ISCA2: variants seen among roughly 807,000 people sequenced by gnomAD.
ISCA2 encodes the protein iron-sulfur cluster assembly 2 homolog, mitochondrial.
In ISCA2, 21 loss-of-function variants were observed where a neutral mutation model predicts 19.1. The ratio of observed to expected loss-of-function variants is 1.10; its 90% confidence interval spans 0.78 to 1.59. ISCA2 has a LOEUF of 1.59. Ranked by LOEUF, ISCA2 falls within the 40% of genes most tolerant of loss-of-function variation. The pLI, the probability that ISCA2 is intolerant of heterozygous loss-of-function variation, is 0.00. For synonymous variants in ISCA2, 107 were observed against 83.8 expected, an observed-to-expected ratio of 1.28 and a Z score of -1.51; for missense variants, 181 against 191.7, an observed-to-expected ratio of 0.94 and a Z score of 0.33.
chr14:74,494,476 A>G, intron 3 of ISCA2, 86 bp downstream of exon 3: 1 of 990,330 alleles, frequency 1.0e-6, no homozygotes, highest in Non-Finnish European at 1.6e-6. Flanking sequence ...TTCCAAATTT[A>G]AAGGGTTTAC....
Position 74,496,712 on chromosome 14 carries a change from T to A in ISCA2, c.*1712T>A, listed in dbSNP as rs1313750334. Reference sequence around the variant, plus strand: ...GCACGAGCAGAACAGCTTTTGTTGCTAAATCAATCAAATTACAGTGGTGCA... The same window carrying A: ...GCACGAGCAGAACAGCTTTTGTTGCAAAATCAATCAAATTACAGTGGTGCA... On this transcript the variant is annotated 3_prime_UTR_variant, in exon 4 of 4. Coordinates refer to ENST00000556816, the MANE Select transcript of ISCA2 (RefSeq NM_194279.4). 1 of 152,250 alleles carries A rather than the reference T, an allele frequency of 6.6e-6. No homozygotes were observed. Among genetic ancestry groups the A allele is most frequent in the Non-Finnish European group, 1.5e-5 (1 of 68,042 alleles). 9.4% of individuals were successfully genotyped at this position (152,250 alleles called of 1,614,324 possible).
At position 74,496,417 on chromosome 14, in the gene ISCA2, G is replaced by A. The variant is rs1003052603; in HGVS notation, c.*1417G>A. ...CTTAGAGAAAACAAACCTATCATGC[G>A]GTTAGAGGAGAGAAGGGGACACTCA... On this transcript the variant is annotated 3_prime_UTR_variant, in exon 4 of 4. Coordinates refer to ENST00000556816, the MANE Select transcript of ISCA2 (RefSeq NM_194279.4). The A allele has an allele frequency of 3.3e-5, 5 of 152,140 alleles. No homozygotes were observed. The highest frequency in any genetic ancestry group is 5.9e-5 in the Non-Finnish European group (4 of 68,016). The allele number at this position is 152,140 out of a possible 1,614,324, so 9.4% of individuals were successfully genotyped here. A position where few individuals can be genotyped will look rare whatever the true frequency, so the allele number is the denominator to read the frequency against.
chr14:74,493,917 C>T lies in ISCA2; in HGVS notation c.71+72C>T. ...CTCTAGGACAAATGGGAAACTAAGG[C>T]CTGTGGGGGATGCGAGGGTTTGGTG... is the stretch of plus-strand genomic sequence containing the variant. On this transcript the variant is annotated intron_variant, in intron 1 of 3. Transcript: ENST00000556816. This position sits in a 1 kb window ranked among gnomAD's most constrained non-coding sequence, Gnocchi z 4.1. 4.7e-6 allele frequency: 7 copies of T among 1,492,286 alleles called. No individual in the cohort carries two copies. Among genetic ancestry groups the T allele is most frequent in the African/African-American group, 1.4e-5 (1 of 71,768 alleles). The allele number at this position is 1,492,286 out of a possible 1,614,324, so 92.4% of individuals were successfully genotyped here.
chr14:74,494,135 A>C lies in ISCA2; in HGVS notation c.157A>C (p.Thr53Pro). The stretch of plus-strand genomic sequence containing the variant: ...GGCCGGCGAAGGGCAGATCCGCCTC[A>C]CAGACAGTTGCGTCCAGGTAGGAGG... ...PEAGEGQIRL[T>P]DSCVQRLLEI... The change falls in exon 2 of 4, where the codon ACA (threonine) becomes CCA (proline). Residue 53 changes from threonine to proline, a missense_variant. Thr to Pro is a conservative substitution (Grantham distance 38, BLOSUM62 -1). Transcript: ENST00000556816. 1.3e-6 allele frequency: 2 copies of C among 1,587,964 alleles called. No homozygotes were observed. Among genetic ancestry groups the C allele is most frequent in the Non-Finnish European group, 1.7e-6 (2 of 1,167,872 alleles).
rs987500761 is a variant in ISCA2 at position 74,495,212 on chromosome 14, C to T, written c.*212C>T. The T allele has an allele frequency of 6.0e-6, 3 of 498,390 alleles. No individual in the cohort carries two copies. Among genetic ancestry groups the T allele is most frequent in the Non-Finnish European group, 1.1e-5 (3 of 282,742 alleles). 30.9% of individuals were successfully genotyped at this position (498,390 alleles called of 1,614,324 possible). On this transcript the variant is annotated 3_prime_UTR_variant, in exon 4 of 4. Transcript: ENST00000556816. ...CCTCCACTCAGTGCTAAGGCTGAGC[C>T]TCCAGATGCTGTTACCTCAGATTTA...
rs1035961806 is a variant in ISCA2 at position 74,496,149 on chromosome 14, G to A, written c.*1149G>A. On this transcript the variant is annotated 3_prime_UTR_variant, in exon 4 of 4. Transcript: ENST00000556816. ...AGAAATCTACCACCATCACCACACC[G>A]AATGATTTATTAATACTGATGTTGG... 1.2e-4 allele frequency: 19 copies of A among 152,122 alleles called. No individual in the cohort carries two copies. The highest frequency in any genetic ancestry group is 2.1e-4 in the South Asian group (1 of 4,828). 9.4% of individuals were successfully genotyped at this position (152,122 alleles called of 1,614,324 possible). A position where few individuals can be genotyped will look rare whatever the true frequency, so the allele number is the denominator to read the frequency against.
chr14:74,495,948 T>C lies in ISCA2; in HGVS notation c.*948T>C, dbSNP rs902425495. 5.3e-5 allele frequency: 8 copies of C among 152,266 alleles called. No homozygotes were observed. Among genetic ancestry groups the C allele is most frequent in the Admixed American group, 2.6e-4 (4 of 15,288 alleles). The allele number at this position is 152,266 out of a possible 1,614,324, so 9.4% of individuals were successfully genotyped here. A position where few individuals can be genotyped will look rare whatever the true frequency, so the allele number is the denominator to read the frequency against. On this transcript the variant is annotated 3_prime_UTR_variant, in exon 4 of 4. Coordinates refer to ENST00000556816, the MANE Select transcript of ISCA2 (RefSeq NM_194279.4). Reference sequence around the variant, plus strand: ...AAAATTACTATTTGAAATTCAAATTTAACTCATATTTTTATTTGCTGACCT... The same window carrying C: ...AAAATTACTATTTGAAATTCAAATTCAACTCATATTTTTATTTGCTGACCT...
chr14:74,493,797 C>T lies in ISCA2; in HGVS notation c.23C>T (p.Ser8Phe), dbSNP rs1248063555. MAAAWGS[S>F]LTAATQRAVT... ...AAGATGGCTGCCGCCTGGGGGTCGT[C>T]CCTAACGGCCGCGACGCAGAGAGCG... The change falls in exon 1 of 4, where the codon TCC (serine) becomes TTC (phenylalanine). Residue 8 changes from serine to phenylalanine, a missense_variant. Transcript: ENST00000556816. This position sits in a 1 kb window ranked among gnomAD's most constrained non-coding sequence, Gnocchi z 4.1. 4.6e-6 allele frequency: 7 copies of T among 1,537,040 alleles called. No homozygotes were observed. The highest frequency in any genetic ancestry group is 5.2e-6 in the Non-Finnish European group (6 of 1,144,600).
chr14:74,494,152 G>A lies in ISCA2; in HGVS notation c.174G>A (p.Gln58=). 11 of 1,588,568 alleles carry A rather than the reference G, an allele frequency of 6.9e-6. No homozygotes were observed. The highest frequency in any genetic ancestry group is 9.4e-6 in the Non-Finnish European group (11 of 1,167,444). The change falls in exon 2 of 4, where the codon CAG becomes CAA. Residue 58 remains glutamine, a splice_region_variant and synonymous_variant. Coordinates refer to ENST00000556816, the MANE Select transcript of ISCA2 (RefSeq NM_194279.4). ...GQIRLTDSCV[Q]RLLEITEGSE... ...TCCGCCTCACAGACAGTTGCGTCCA[G>A]GTAGGAGGCCGGACGCGGAGCGGCG...
At chr14:74,494,026 C>G in intron 1 of ISCA2, 24 bp from the exon 2 acceptor site, 2 of 1,525,316 alleles carry the variant, frequency 1.3e-6, no homozygotes, top group Non-Finnish European at 1.8e-6. Flanking sequence ...TGCTCCCGGG[C>G]TCACCCTCCT....
intron 3 of ISCA2, 80 bp from the exon 4 acceptor site, chr14:74,494,744 CAG>C: frequency 4.0e-6 from 5 of 1,241,888 alleles, no homozygotes; most frequent in Non-Finnish European, 5.7e-6. Flanking sequence ...CTTTAGAAAA[CAG>C]AGGATGTGCA....
chr14:74,494,551 A>G, intron 3 of ISCA2, 161 bp downstream of exon 3: 1 of 651,818 alleles, frequency 1.5e-6, no homozygotes, highest in South Asian at 1.9e-5. Context: ...TTCTGAATCA[A>G]AGTAACTAAG....
Position 74,496,259 on chromosome 14 carries a change from G to T in ISCA2, c.*1259G>T, listed in dbSNP as rs2086845442. 6.6e-6 allele frequency: 1 copy of T among 152,178 alleles called. No homozygotes were observed. Among genetic ancestry groups the T allele is most frequent in the Non-Finnish European group, 1.5e-5 (1 of 68,030 alleles). The allele number at this position is 152,178 out of a possible 1,614,324, so 9.4% of individuals were successfully genotyped here. On this transcript the variant is annotated 3_prime_UTR_variant, in exon 4 of 4. Transcript: ENST00000556816. ...GAGCCTAGAAGTTTGTTACAGTAAA[G>T]ACTTGCATTTCTGCACTGGATTGGA...
chr14:74,496,603 T>A lies in ISCA2; in HGVS notation c.*1603T>A, dbSNP rs919969121. 15 of 152,340 alleles carry A rather than the reference T, an allele frequency of 9.8e-5. No individual in the cohort carries two copies. Among genetic ancestry groups the A allele is most frequent in the African/African-American group, 3.6e-4 (15 of 41,568 alleles). 9.4% of individuals were successfully genotyped at this position (152,340 alleles called of 1,614,324 possible). On this transcript the variant is annotated 3_prime_UTR_variant, in exon 4 of 4. Transcript: ENST00000556816. ...TCCTTTCATCCTCCTTAAAAAGATT[T>A]TGCTACATTTTAAACATTAGAATAT...
intron 3 of ISCA2, 109 bp from the exon 4 acceptor site, chr14:74,494,717 G>C: frequency 1.1e-6 from 1 of 924,556 alleles, no homozygotes. Flanking sequence ...AAAGGTAATG[G>C]GGAAGCTCCC....
In ISCA2 at chr14:74,495,195, C is replaced by T. The variant is rs929053245; in HGVS notation, c.*195C>T. 1.8e-6 allele frequency: 1 copy of T among 570,416 alleles called. No individual in the cohort carries two copies. Among genetic ancestry groups the T allele is most frequent in the Admixed American group, 3.2e-5 (1 of 31,276 alleles). The allele number at this position is 570,416 out of a possible 1,614,324, so 35.3% of individuals were successfully genotyped here. ...TCTTGGCTTAATTTTTCCCTCCACT[C>T]AGTGCTAAGGCTGAGCCTCCAGATG... On this transcript the variant is annotated 3_prime_UTR_variant, in exon 4 of 4. Coordinates refer to ENST00000556816, the MANE Select transcript of ISCA2 (RefSeq NM_194279.4).
chr14:74,494,772 G>A (rs2086827820), intron 3 of ISCA2, 54 bp from the exon 4 acceptor site: 1 of 1,505,534 alleles, frequency 6.6e-7, no homozygotes. Flanking sequence ...GGGCTCAGGG[G>A]GTGTCTTTTT....
intron 3 of ISCA2, 194 bp downstream of exon 3, chr14:74,494,584 C>G (rs2086824444): frequency 6.4e-6 from 4 of 625,704 alleles, no homozygotes; most frequent in Non-Finnish European, 1.1e-5. Flanking sequence ...AATTGATCTG[C>G]CCAGGTCCAT....
At position 74,495,033 on chromosome 14, in the gene ISCA2, G is replaced by A; in HGVS notation, c.*33G>A. ...ACTGGTGACTCTGGGATTGTCACCA[G>A]TTGTACCAATTTGAAGAACCTGGAA... On this transcript the variant is annotated 3_prime_UTR_variant, in exon 4 of 4. Coordinates refer to ENST00000556816, the MANE Select transcript of ISCA2 (RefSeq NM_194279.4). 6.5e-7 allele frequency: 1 copy of A among 1,529,714 alleles called. No homozygotes were observed. Among genetic ancestry groups the A allele is most frequent in the East Asian group, 2.3e-5 (1 of 44,250 alleles). 94.8% of individuals were successfully genotyped at this position (1,529,714 alleles called of 1,614,324 possible).
Sources: allele counts gnomAD v4.1 joint callset, GRCh38; gene constraint gnomAD v4.1.1; non-coding constraint Gnocchi (gnomAD v3.1); transcripts MANE v1.5; gene names NCBI Gene and HGNC (gene_info 2026-07-23, HGNC 2026-07-21).